The following TG variants were observed in gnomAD, a reference collection of about 807,000 sequenced individuals.
TG encodes thyroglobulin.
A neutral mutation model predicts 324.7 loss-of-function variants in TG; 270 were observed. That is an observed-to-expected ratio of 0.83 (90% confidence interval 0.75 to 0.92). TG has a LOEUF of 0.92. Among genes scored for constraint, TG ranks in the 40% least tolerant of loss-of-function variants. The pLI, the probability that TG is intolerant of heterozygous loss-of-function variation, is 0.00. For missense variants in TG, 3,591 were observed against 3,456.4 expected (o/e 1.04, Z -0.98); for synonymous variants, 1,401 against 1,327.0 (o/e 1.06, Z -1.21).
At chr8:133,107,083 C>T (rs1192358821) in intron 43 of TG, among the ~76,000 whole-genome samples, 2 of 152,204 alleles carry the variant, frequency 1.3e-5, no homozygotes, top group Non-Finnish European at 2.9e-5. Flanking sequence ...TCCCATGTGT[C>T]AGCCTCTTTA....
At chr8:132,948,992 G>A (rs2246611) in intron 27 of TG, 49 bp downstream of exon 27, 1 of 1,571,820 alleles carries the variant, frequency 6.4e-7, no homozygotes, top group Non-Finnish European at 8.7e-7. Context: ...CTCTTCACAC[G>A]AGCAAGGCCC....
chr8:133,022,047 T>C lies in TG; in HGVS notation c.6933T>C (p.Ser2311=), dbSNP rs568446863. 4.3e-5 allele frequency: 70 copies of C among 1,614,008 alleles called. 1 individual carries two copies. The South Asian group carries it at 7.5e-4, about 17-fold the overall frequency. ...ACAACACCATGGACAGGGAGGAGAG[T>C]GAAGGATGGCCGGCTATCGACGGCT... ...FFHNTMDREE[S]EGWPAIDGSF... is the part of the protein sequence containing the mutation. Residue 2311 remains serine, a synonymous_variant, in exon 40 of 48, where the codon AGT becomes AGC. Transcript: ENST00000220616.
chr8:133,047,024 G>T (rs931360163), intron 41 of TG: 2 of 152,148 alleles, frequency 1.3e-5, no homozygotes. Flanking sequence ...TTATTATTCA[G>T]TCTGGGAAAA....
chr8:132,878,441 C>T (rs1814156535), intron 5 of TG, among the ~76,000 whole-genome samples: 1 of 151,894 alleles, frequency 6.6e-6, no homozygotes, highest in South Asian at 2.1e-4. Context: ...ATGGTGAAAC[C>T]TCGTCTCTAC....
At position 132,886,678 on chromosome 8, in the gene TG, T is replaced by C; in HGVS notation, c.1306T>C (p.Ser436Pro). ...GGGACAGAGCCAACAGTTTTCTGTCTCAGAAAATCTTCTCAAAGAAGCCAT... is the reference window on the plus strand; with the variant it reads ...GGGACAGAGCCAACAGTTTTCTGTCCCAGAAAATCTTCTCAAAGAAGCCAT... ...VEGQSQQFSVSENLLKEAIRA... is the reference protein window; with the variant it reads ...VEGQSQQFSVPENLLKEAIRA... The change falls in exon 9 of 48, where the codon TCA becomes CCA. Residue 436 changes from serine to proline, a missense_variant. Physicochemically the swap from Ser to Pro is moderately conservative, Grantham distance 74. Coordinates refer to ENST00000220616, the MANE Select transcript of TG (RefSeq NM_003235.5). 1 of 1,614,192 alleles carries C rather than the reference T, an allele frequency of 6.2e-7. No homozygotes were observed. The highest frequency in any genetic ancestry group is 8.5e-7 in the Non-Finnish European group (1 of 1,180,040).
intron 41 of TG, chr8:133,073,377 T>G (rs989036741): frequency 6.6e-6 from 1 of 152,314 alleles, no homozygotes; most frequent in South Asian, 2.1e-4. Flanking sequence ...TTTTTTTAGA[T>G]GAAGTTTCGC....
chr8:132,950,429 C>T (rs577311867), intron 27 of TG, among the ~76,000 whole-genome samples: 1 of 152,354 alleles, frequency 6.6e-6, no homozygotes, highest in African/African-American at 2.4e-5. Context: ...AGACTCTCTC[C>T]TGCCTCCCAG....
intron 2 of TG, 53 bp from the exon 3 acceptor site, chr8:132,869,676 A>G: frequency 1.4e-6 from 2 of 1,476,966 alleles, no homozygotes; most frequent in Non-Finnish European, 1.9e-6. Context: ...GGGAGCCGGC[A>G]TGTGGCTTTG....
intron 14 of TG, 137 bp from the exon 15 acceptor site, chr8:132,900,100 C>T (rs1817700459): frequency 1.4e-6 from 1 of 730,000 alleles, no homozygotes; most frequent in Non-Finnish European, 2.4e-6. Context: ...AGCACCTCTC[C>T]CCACCTCCAC....
intron 22 of TG, among the ~76,000 whole-genome samples, chr8:132,924,716 G>A (rs1031975182): frequency 6.6e-6 from 1 of 152,182 alleles, no homozygotes; most frequent in African/African-American, 2.4e-5. Flanking sequence ...TTTACTGGCT[G>A]TGTAGTCTTA....
chr8:132,972,546 T>C, intron 33 of TG, 52 bp from the exon 34 acceptor site: 5 of 1,599,184 alleles, frequency 3.1e-6, no homozygotes, highest in Middle Eastern at 1.7e-4. Flanking sequence ...GACTCTTCCA[T>C]TGTACTCAGT....
intron 35 of TG, among the ~76,000 whole-genome samples, chr8:132,984,928 C>T (rs893940201): frequency 1.9e-5 from 2 of 107,868 alleles, no homozygotes; most frequent in African/African-American, 4.3e-5. Context: ...AACACAGCCT[C>T]CATCTCAAAA....
At chr8:132,988,104 G>T (rs1263830395) in intron 35 of TG, among the ~76,000 whole-genome samples, 1 of 122,276 alleles carries the variant, frequency 8.2e-6, no homozygotes, top group Non-Finnish European at 1.8e-5. Context: ...ACACACACAC[G>T]AAATGAAGCT....
chr8:133,091,409 T>A (rs1214887093), intron 41 of TG, among the ~76,000 whole-genome samples: 1 of 152,108 alleles, frequency 6.6e-6, no homozygotes, highest in Non-Finnish European at 1.5e-5. Flanking sequence ...CTCTGACACA[T>A]GGATGCCCCA....
At chr8:133,053,057 C>T (rs1261134820) in intron 41 of TG, among the ~76,000 whole-genome samples, 2 of 152,214 alleles carry the variant, frequency 1.3e-5, no homozygotes, top group African/African-American at 2.4e-5. Context: ...TTGCCAGGCA[C>T]CCTGGTTCTC....
chr8:133,100,507 A>G (rs61093781), intron 43 of TG, among the ~76,000 whole-genome samples: 5,336 of 152,334 alleles, frequency 0.035, 309 homozygotes, highest in African/African-American at 0.12. Flanking sequence ...GAAATTATGA[A>G]GAACTGACTA....
chr8:133,018,135 A>C, intron 38 of TG, 138 bp downstream of exon 38: 1 of 869,658 alleles, frequency 1.1e-6, no homozygotes, highest in Non-Finnish European at 1.9e-6. Flanking sequence ...ATTAGCTAAG[A>C]TATCATTAAG....
At chr8:132,871,868 C>T (rs1054555908) in intron 4 of TG, among the ~76,000 whole-genome samples, 4 of 152,154 alleles carry the variant, frequency 2.6e-5, no homozygotes, top group Non-Finnish European at 5.9e-5. Flanking sequence ...GTGCTGCATA[C>T]GGATGTTTTG....
At chr8:132,900,372 A>T in intron 15 of TG, 33 bp downstream of exon 15, 1 of 1,580,716 alleles carries the variant, frequency 6.3e-7, no homozygotes. Flanking sequence ...ATGGCTTCTC[A>T]CCTCTTCTGT....
Sources: gnomAD v4.1 joint callset for allele counts (sites outside exome capture counted in the v4.1 genomes callset) on GRCh38, gnomAD v4.1.1 for gene constraint, MANE v1.5 for transcripts, NCBI Gene and HGNC (gene_info 2026-07-23, HGNC 2026-07-21) for gene names.